HMGA2: variants seen among roughly 807,000 people sequenced by gnomAD.
HMGA2 encodes high mobility group AT-hook 2.
Under a neutral mutation model 19.1 loss-of-function variants are expected in HMGA2, and 8 were observed. The observed-to-expected ratio is 0.42, with a 90% confidence interval of 0.25 to 0.76. HMGA2 has a LOEUF of 0.76. Ranked by LOEUF, HMGA2 falls within the 30% of genes least tolerant of loss-of-function variation. The pLI is 0.28. For missense variants in HMGA2, 109 were observed against 136.3 expected (o/e 0.80, Z 1.00); for synonymous variants, 60 against 48.8 (o/e 1.23, Z -0.96).
chr12:65,948,183 T>C (rs1335724894), intron 3 of HMGA2, among the ~76,000 whole-genome samples: 2 of 152,180 alleles, frequency 1.3e-5, no homozygotes, highest in Non-Finnish European at 2.9e-5. Flanking sequence ...GGGCAGATGT[T>C]AAAAATATAA....
chr12:65,830,127 C>A (rs969293570), intron 2 of HMGA2, among the ~76,000 whole-genome samples: 1 of 151,892 alleles, frequency 6.6e-6, no homozygotes, highest in African/African-American at 2.4e-5. Flanking sequence ...TTGCCCATAA[C>A]ATGACTTATT....
At position 65,827,631 on chromosome 12, in the gene HMGA2, G is replaced by A. The variant is rs146107949; in HGVS notation, c.112-370G>A. Among the ~76,000 whole-genome samples, 718 of 152,304 alleles carry A rather than the reference G, an allele frequency of 4.7e-3. 6 individuals carry two copies. The highest frequency in any genetic ancestry group is 7.7e-3 in the Non-Finnish European group (522 of 68,018). The stretch of plus-strand genomic sequence containing the variant: ...GTTTGAAATGCTAGTATAATGCAGA[G>A]TGGTGTTCGTTTAAAATGCCTATTA... On this transcript the variant is annotated intron_variant, in intron 1 of 4. Transcript: ENST00000403681.
chr12:65,854,655 C>T (rs1214633890), intron 3 of HMGA2, among the ~76,000 whole-genome samples: 1 of 152,154 alleles, frequency 6.6e-6, no homozygotes, highest in East Asian at 1.9e-4. Flanking sequence ...TGGTGGTTTG[C>T]TGCATCTATC....
chr12:65,831,895 T>G (rs989476840), intron 2 of HMGA2, among the ~76,000 whole-genome samples: 2 of 151,892 alleles, frequency 1.3e-5, no homozygotes, highest in African/African-American at 2.4e-5. Flanking sequence ...AAGACATTAT[T>G]ATTGGTGAGT....
chr12:65,908,256 G>A (rs1009894960), intron 3 of HMGA2, among the ~76,000 whole-genome samples: 5 of 152,108 alleles, frequency 3.3e-5, no homozygotes, highest in African/African-American at 1.2e-4. Context: ...TACAGGCTGG[G>A]TTTCCCCTTC....
chr12:65,945,984 T>C (rs1466816783), intron 3 of HMGA2, among the ~76,000 whole-genome samples: 1 of 152,174 alleles, frequency 6.6e-6, no homozygotes, highest in African/African-American at 2.4e-5. Context: ...CTTTTGGAAG[T>C]TGAAAAACAA....
chr12:65,854,320 C>G (rs142079330), intron 3 of HMGA2, among the ~76,000 whole-genome samples: 81 of 152,340 alleles, frequency 5.3e-4, no homozygotes, highest in African/African-American at 1.9e-3. Context: ...TGCCCTTTCT[C>G]TGGTAGAGAG....
chr12:65,905,182 T>TCACACACA lies in HMGA2; in HGVS notation c.250-46184_250-46177dup, dbSNP rs139108942. On this transcript the variant is annotated intron_variant, in intron 3 of 4. Transcript: ENST00000403681. ...AGTAGGTTATAATGAATTGACTTTA[T>TCACACACA]CACACACACACACACACACACACAT... Among the ~76,000 whole-genome samples the TCACACACA allele has an allele frequency of 1.1e-3, 168 of 149,388 alleles. 1 individual carries two copies. The highest frequency in any genetic ancestry group is 3.8e-3 in the African/African-American group (154 of 40,826).
intron 3 of HMGA2, among the ~76,000 whole-genome samples, chr12:65,898,669 C>T (rs1874237775): frequency 6.6e-6 from 1 of 152,092 alleles, no homozygotes; most frequent in South Asian, 2.1e-4. Context: ...ACAATGAGCA[C>T]CTACTATGTC....
At chr12:65,892,916 T>C (rs1299900012) in intron 3 of HMGA2, among the ~76,000 whole-genome samples, 1 of 152,180 alleles carries the variant, frequency 6.6e-6, no homozygotes, top group East Asian at 1.9e-4. Flanking sequence ...ACCTACAAAA[T>C]GGCCTTGATT....
At chr12:65,943,798 A>C (rs927017012) in intron 3 of HMGA2, among the ~76,000 whole-genome samples, 4 of 152,188 alleles carry the variant, frequency 2.6e-5, no homozygotes, top group Admixed American at 2.6e-4. Context: ...ATGTGTACAC[A>C]CATTTCACAG....
intron 4 of HMGA2, among the ~76,000 whole-genome samples, chr12:65,961,649 C>G (rs531985973): frequency 7.2e-5 from 11 of 152,240 alleles, no homozygotes; most frequent in African/African-American, 2.6e-4. Flanking sequence ...ATTTACAGCT[C>G]GCTCAGTCTT....
chr12:65,952,404 C>A, intron 4 of HMGA2: 1 of 1,534,640 alleles, frequency 6.5e-7, no homozygotes, highest in Non-Finnish European at 8.7e-7. Context: ...TCTTATATAT[C>A]TACTGTTCTC....
chr12:65,848,855 T>G (rs1871338039), intron 3 of HMGA2, among the ~76,000 whole-genome samples: 1 of 151,506 alleles, frequency 6.6e-6, no homozygotes, highest in Admixed American at 6.6e-5. Flanking sequence ...AGAGCGAGAC[T>G]CCGTCTCAAA....
At chr12:65,839,503 T>C (rs1870901704) in intron 3 of HMGA2, among the ~76,000 whole-genome samples, 1 of 152,178 alleles carries the variant, frequency 6.6e-6, no homozygotes, top group Non-Finnish European at 1.5e-5. Context: ...CTGGATTATA[T>C]GTTCCTGTTT....
rs34541445 is a variant in HMGA2 at position 65,849,736 on chromosome 12, A to ATTT, written c.249+11189_249+11191dup. Among the ~76,000 whole-genome samples the ATTT allele has an allele frequency of 1.2e-3, 102 of 85,076 alleles. 2 individuals are homozygous for ATTT. Among genetic ancestry groups the ATTT allele is most frequent in the Non-Finnish European group, 1.8e-3 (83 of 46,470 alleles). 55.8% of individuals were successfully genotyped at this position (85,076 alleles called of 152,430 possible). The stretch of plus-strand genomic sequence containing the variant: ...AAACCAAGACAATGGTAGGCTCTGT[A>ATTT]TTTTTTTTTTTTTTTTTTTTTTTTG... On this transcript the variant is annotated intron_variant, in intron 3 of 4. Coordinates refer to ENST00000403681, the MANE Select transcript of HMGA2 (RefSeq NM_003483.6).
intron 3 of HMGA2, among the ~76,000 whole-genome samples, chr12:65,871,258 C>T (rs1397778713): frequency 6.6e-6 from 1 of 152,104 alleles, no homozygotes; most frequent in Non-Finnish European, 1.5e-5. Flanking sequence ...TTCCTGGGCC[C>T]AGCCGCACCT....
intron 3 of HMGA2, among the ~76,000 whole-genome samples, chr12:65,862,277 A>ACC (rs66843589): frequency 4.4e-4 from 2 of 4,564 alleles, no homozygotes. Context: ...AATGCACCAT[A>ACC]CACACACACA....
At chr12:65,902,281 TAAAC>T (rs1874404865) in intron 3 of HMGA2, among the ~76,000 whole-genome samples, 1 of 152,166 alleles carries the variant, frequency 6.6e-6, no homozygotes, top group South Asian at 2.1e-4. Context: ...TAGATAGTAA[TAAAC>T]AAACAATATC....
Sources: allele counts gnomAD v4.1 joint callset (sites outside exome capture counted in the v4.1 genomes callset), GRCh38; gene constraint gnomAD v4.1.1; transcripts MANE v1.5; gene names NCBI Gene and HGNC (gene_info 2026-07-23, HGNC 2026-07-21).